AVPR1B: variants seen among roughly 807,000 people sequenced by gnomAD.
AVPR1B encodes the protein vasopressin V1b receptor.
In AVPR1B, 25 loss-of-function variants were observed where a neutral mutation model predicts 27.5. That is an observed-to-expected ratio of 0.91 (90% CI 0.66 to 1.27). The LOEUF (loss-of-function observed/expected upper bound fraction) is 1.27. Among genes scored for constraint, AVPR1B ranks in the 50% most tolerant of loss-of-function variants. AVPR1B has a pLI of 0.00. For synonymous variants in AVPR1B, 248 were observed against 240.2 expected (o/e 1.03, Z -0.30); for missense variants, 595 against 556.9 (o/e 1.07, Z -0.69).
intron 1 of AVPR1B, among the ~76,000 whole-genome samples, chr1:206,112,098 G>A (rs781944673): frequency 3.9e-5 from 6 of 152,162 alleles, no homozygotes; most frequent in Admixed American, 2.0e-4. Context: ...GGGAGGCTGA[G>A]GCGGGAGAAT....
In AVPR1B at chr1:206,116,629, C is replaced by G. The variant is rs144792125; in HGVS notation, c.262G>C (p.Val88Leu). ...LTDLAVALFQ[V>L]LPQLLWDITY... ...ATGTCCCACAGCAGCTGTGGCAGCACCTGGAAGAGCGCCACGGCCAGGTCT... is the reference window on the plus strand; with the variant it reads ...ATGTCCCACAGCAGCTGTGGCAGCAGCTGGAAGAGCGCCACGGCCAGGTCT... Residue 88 changes from valine to leucine, a missense_variant, in exon 1 of 2, where the codon GTG becomes CTG. Physicochemically the swap from Val to Leu is conservative, Grantham distance 32 (BLOSUM62 1). Transcript: ENST00000367126. 9.9e-6 allele frequency: 16 copies of G among 1,613,762 alleles called. No individual in the cohort carries two copies. In the African/African-American group the frequency reaches 2.0e-4, roughly 20 times the overall value.
chr1:206,113,974 TG>T (rs1482405972), intron 1 of AVPR1B, among the ~76,000 whole-genome samples: 1 of 152,198 alleles, frequency 6.6e-6, no homozygotes, highest in Non-Finnish European at 1.5e-5. Flanking sequence ...TAATTAGAAT[TG>T]CTCATTGCTT....
At chr1:206,112,536 G>A (rs987887800) in intron 1 of AVPR1B, among the ~76,000 whole-genome samples, 1 of 152,148 alleles carries the variant, frequency 6.6e-6, no homozygotes, top group African/African-American at 2.4e-5. Context: ...AGGCTGGAGT[G>A]CAGTGTGTGA....
chr1:206,114,784 T>C (rs1476741588), intron 1 of AVPR1B, among the ~76,000 whole-genome samples: 2 of 152,138 alleles, frequency 1.3e-5, no homozygotes, highest in African/African-American at 2.4e-5. Context: ...ACTTTGTCAC[T>C]CCCTAGCTGT....
intron 1 of AVPR1B, among the ~76,000 whole-genome samples, chr1:206,111,843 A>G (rs1663384149): frequency 6.6e-6 from 1 of 152,232 alleles, no homozygotes; most frequent in African/African-American, 2.4e-5. Context: ...GGACTGGTTC[A>G]GGGAACAGAA....
At chr1:206,110,629 A>G (rs1663361195) in intron 1 of AVPR1B, 106 bp from the exon 2 acceptor site, 11 of 988,282 alleles carry the variant, frequency 1.1e-5, no homozygotes, top group East Asian at 2.6e-5. Context: ...TGAGTCCTAG[A>G]GAGGGGAAAG....
Position 206,110,080 on chromosome 1 carries a change from GCTCCTCTAA to G in AVPR1B, c.*100_*108del. On this transcript the variant is annotated 3_prime_UTR_variant, in exon 2 of 2. Transcript: ENST00000367126. The stretch of plus-strand genomic sequence containing the variant: ...GCCTTTTCGCTCCGCTTTAGACAGG[GCTCCTCTAA>G]CTCCAACCCTTACCCTCCCAGCTCT... 7.8e-7 allele frequency: 1 copy of G among 1,285,956 alleles called. No individual in the cohort carries two copies. The highest frequency in any genetic ancestry group is 2.5e-5 in the East Asian group (1 of 40,566). 79.7% of individuals were successfully genotyped at this position (1,285,956 alleles called of 1,614,324 possible).
rs781809697 is a variant in AVPR1B, at chr1:206,116,180, C to T, written c.711G>A (p.Trp237Ter). 6.2e-7 allele frequency: 1 copy of T among 1,613,982 alleles called. No individual in the cohort carries two copies. The highest frequency in any genetic ancestry group is 8.5e-7 in the Non-Finnish European group (1 of 1,180,012). The change falls in exon 1 of 2, where the codon TGG (tryptophan) becomes TGA (stop). Residue 237 changes from tryptophan (W) to a stop codon, truncating the protein, a stop_gained. Coordinates refer to ENST00000367126, the MANE Select transcript of AVPR1B (RefSeq NM_000707.5). LOFTEE classifies it high-confidence loss of function. ...CKNLKVKTQA[W>*]RVGGGGWRTW... Reference sequence around the variant, plus strand: ...TCCTCCAGCCCCCTCCTCCCACCCGCCAGGCCTGTGTCTTGACTTTTAGGT... The same window carrying T: ...TCCTCCAGCCCCCTCCTCCCACCCGTCAGGCCTGTGTCTTGACTTTTAGGT...
rs1663303456 is a variant in AVPR1B, at chr1:206,107,775, CTT to C, written c.*2412_*2413del. Reference sequence around the variant, plus strand: ...TCTTTTCCTCTCTGAACTGTAGACTCTTTTGGGTCAGGACCCTGGAGGTCATC... The same window carrying C: ...TCTTTTCCTCTCTGAACTGTAGACTCTTGGGTCAGGACCCTGGAGGTCATC... On this transcript the variant is annotated 3_prime_UTR_variant, in exon 2 of 2. Coordinates refer to ENST00000367126, the MANE Select transcript of AVPR1B (RefSeq NM_000707.5). 1.3e-5 allele frequency among the ~76,000 whole-genome samples: 2 copies of C among 152,216 alleles called. No homozygotes were observed. The highest frequency in any genetic ancestry group is 4.1e-4 in the South Asian group (2 of 4,834).
At chr1:206,111,407 G>T (rs1663374301) in intron 1 of AVPR1B, among the ~76,000 whole-genome samples, 1 of 152,184 alleles carries the variant, frequency 6.6e-6, no homozygotes, top group African/African-American at 2.4e-5. Flanking sequence ...ATGAGCTTTG[G>T]CCTCCTGCTG....
chr1:206,116,535 A>T lies in AVPR1B; in HGVS notation c.356T>A (p.Phe119Tyr). Residue 119 changes from phenylalanine (F) to tyrosine (Y), a missense_variant, in exon 1 of 2, where the codon TTT becomes TAT. Coordinates refer to ENST00000367126, the MANE Select transcript of AVPR1B (RefSeq NM_000707.5). ...GGCCAGCAGCATGTAGGTGGAGGCA[A>T]ACATGCTGAGCACCTGCAGGTACTT... ...AVKYLQVLSMFASTYMLLAMT... is the reference protein window; with the variant it reads ...AVKYLQVLSMYASTYMLLAMT... 1.2e-6 allele frequency: 2 copies of T among 1,614,158 alleles called. No homozygotes were observed. Among genetic ancestry groups the T allele is most frequent in the Non-Finnish European group, 1.7e-6 (2 of 1,180,022 alleles).
Position 206,116,689 on chromosome 1 carries a change from G to C in AVPR1B, c.202C>G (p.Arg68Gly), listed in dbSNP as rs782158452. ...AAGTGCAGCACGAACAGGTGCATGC[G>C]GGAGCGCTTGCGGCCCAGCTGGCCC... ...TLGQLGRKRS[R>G]MHLFVLHLAL... is the part of the protein sequence containing the mutation. Residue 68 changes from arginine (R) to glycine (G), a missense_variant, in exon 1 of 2, where the codon CGC becomes GGC. Physicochemically the swap from Arg to Gly is moderately radical, Grantham distance 125. Coordinates refer to ENST00000367126, the MANE Select transcript of AVPR1B (RefSeq NM_000707.5). 1.2e-6 allele frequency: 2 copies of C among 1,608,874 alleles called. No individual in the cohort carries two copies. The highest frequency in any genetic ancestry group is 1.7e-6 in the Non-Finnish European group (2 of 1,177,106).
intron 1 of AVPR1B, among the ~76,000 whole-genome samples, chr1:206,113,676 A>T (rs981309173): frequency 6.6e-6 from 1 of 152,196 alleles, no homozygotes; most frequent in Non-Finnish European, 1.5e-5. Flanking sequence ...GCAGATGACC[A>T]TCTCACCCCG....
Position 206,117,099 on chromosome 1 carries a change from C to G in AVPR1B, c.-209G>C, listed in dbSNP as rs1293609650. 4.8e-6 allele frequency: 3 copies of G among 621,812 alleles called. No individual in the cohort carries two copies. The highest frequency in any genetic ancestry group is 1.8e-5 in the African/African-American group (1 of 54,216). The allele number at this position is 621,812 out of a possible 1,614,324, so 38.5% of individuals were successfully genotyped here. The stretch of plus-strand genomic sequence containing the variant: ...TGAGATTCGGAAGGAGAAAATGTGA[C>G]TGGGATCGACCCAGGAGAGGGAGAA... On this transcript the variant is annotated 5_prime_UTR_variant, in exon 1 of 2. Transcript: ENST00000367126.
chr1:206,111,745 C>T (rs961895852), intron 1 of AVPR1B, among the ~76,000 whole-genome samples: 1 of 152,134 alleles, frequency 6.6e-6, no homozygotes, highest in African/African-American at 2.4e-5. Flanking sequence ...CAACTCATGG[C>T]TCAAGAGAAG....
At position 206,116,639 on chromosome 1, in the gene AVPR1B, C is replaced by T. The variant is rs1663479897; in HGVS notation, c.252G>A (p.Ala84=). ...GCAGCTGTGGCAGCACCTGGAAGAG[C>T]GCCACGGCCAGGTCTGTCAGGGCTA... is the stretch of plus-strand genomic sequence containing the variant. ...LHLALTDLAV[A]LFQVLPQLLW... Residue 84 remains alanine (A), a synonymous_variant, in exon 1 of 2, where the codon GCG becomes GCA. Coordinates refer to ENST00000367126, the MANE Select transcript of AVPR1B (RefSeq NM_000707.5). The T allele has an allele frequency of 1.9e-6, 3 of 1,613,540 alleles. No homozygotes were observed. Among genetic ancestry groups the T allele is most frequent in the Non-Finnish European group, 2.5e-6 (3 of 1,179,790 alleles).
Position 206,116,263 on chromosome 1 carries a change from G to T in AVPR1B, c.628C>A (p.Leu210Met). The T allele has an allele frequency of 6.2e-7, 1 of 1,613,646 alleles. No homozygotes were observed. Among genetic ancestry groups the T allele is most frequent in the Non-Finnish European group, 8.5e-7 (1 of 1,180,036 alleles). Reference protein sequence around the residue: ...LTWTTLAIFVLPVTMLTACYS... With the variant: ...LTWTTLAIFVMPVTMLTACYS... ...CAGGCCGTGAGCATGGTCACCGGCAGAACGAAGATAGCCAGGGTGGTCCAG... is the reference window on the plus strand; with the variant it reads ...CAGGCCGTGAGCATGGTCACCGGCATAACGAAGATAGCCAGGGTGGTCCAG... The change falls in exon 1 of 2, where the codon CTG becomes ATG. Residue 210 changes from leucine to methionine, a missense_variant. Transcript: ENST00000367126.
chr1:206,116,893 G>A lies in AVPR1B; in HGVS notation c.-3C>T, dbSNP rs781799235. 3.1e-6 allele frequency: 5 copies of A among 1,603,400 alleles called. No individual in the cohort carries two copies. The Admixed American group carries it at 5.1e-5, about 16-fold the overall frequency. On this transcript the variant is annotated 5_prime_UTR_variant, in exon 1 of 2. Coordinates refer to ENST00000367126, the MANE Select transcript of AVPR1B (RefSeq NM_000707.5). Reference sequence around the variant, plus strand: ...TCCCACAGAGGCCCAGAATCCATGAGCAAGGTTTGCTGGGAGGGAAGGATG... The same window carrying A: ...TCCCACAGAGGCCCAGAATCCATGAACAAGGTTTGCTGGGAGGGAAGGATG...
rs781875790 is a variant in AVPR1B, at chr1:206,110,279, T to TAGGCTG, written c.1179_1184dup (p.Ser394_Leu395dup). 6.9e-5 allele frequency: 111 copies of TAGGCTG among 1,613,964 alleles called. No homozygotes were observed. Among genetic ancestry groups the TAGGCTG allele is most frequent in the African/African-American group, 5.1e-4 (38 of 75,028 alleles). On this transcript the variant is annotated inframe_insertion, in exon 2 of 2. Coordinates refer to ENST00000367126, the MANE Select transcript of AVPR1B (RefSeq NM_000707.5). The stretch of plus-strand genomic sequence containing the variant: ...CAGGCCTGGGCCTCCCACTGAGGGT[T>TAGGCTG]AGGCTGAGGCTGAGGCTGAGGGTGG...
Sources: gnomAD v4.1 joint callset for allele counts (sites outside exome capture counted in the v4.1 genomes callset) on GRCh38, gnomAD v4.1.1 for gene constraint, MANE v1.5 for transcripts, NCBI Gene and HGNC (gene_info 2026-07-23, HGNC 2026-07-21) for gene names.